The following TSHZ1 variants were observed in gnomAD, a reference collection of about 807,000 sequenced individuals.
The protein encoded by TSHZ1 is teashirt homolog 1.
In TSHZ1, 12 loss-of-function variants were observed where a neutral mutation model predicts 67.1. The ratio of observed to expected loss-of-function variants is 0.18; its 90% confidence interval spans 0.11 to 0.29. TSHZ1 has a LOEUF of 0.29. Among genes scored for constraint, TSHZ1 ranks in the 10% least tolerant of loss-of-function variants. The probability of loss-of-function intolerance (pLI) is 1.00; values close to 1 mark genes in which losing one functional copy is unlikely to be tolerated. For synonymous variants in TSHZ1, 632 were observed against 622.4 expected (o/e 1.02, Z -0.23); for missense variants, 1,305 against 1,413.9 (o/e 0.92, Z 1.23).
At chr18:75,283,215 C>T (rs1441613462) in intron 1 of TSHZ1, 7 of 152,374 alleles carry the variant, frequency 4.6e-5, no homozygotes, top group Non-Finnish European at 1.5e-5. Context: ...GAGTCACCCT[C>T]TGAATCCACA....
chr18:75,228,670 T>G (rs972395646), intron 1 of TSHZ1, among the ~76,000 whole-genome samples: 1 of 152,250 alleles, frequency 6.6e-6, no homozygotes, highest in African/African-American at 2.4e-5. Context: ...TGCTTCAGGA[T>G]GGCAGCGCTA....
At chr18:75,246,185 C>G (rs545083164) in intron 1 of TSHZ1, among the ~76,000 whole-genome samples, 1 of 152,190 alleles carries the variant, frequency 6.6e-6, no homozygotes, top group East Asian at 1.9e-4. Context: ...GCATTTCCTA[C>G]GAAAGACCAG....
At chr18:75,251,953 GA>G (rs1292459145) in intron 1 of TSHZ1, among the ~76,000 whole-genome samples, 15 of 152,148 alleles carry the variant, frequency 9.9e-5, no homozygotes, top group African/African-American at 3.4e-4. Context: ...CTTGAACAAA[GA>G]AAAAAATTTA....
At chr18:75,275,183 A>G (rs2023601388) in intron 1 of TSHZ1, among the ~76,000 whole-genome samples, 1 of 152,214 alleles carries the variant, frequency 6.6e-6, no homozygotes, top group Non-Finnish European at 1.5e-5. Flanking sequence ...TATGGGAATA[A>G]GCTACTGGCT....
intron 1 of TSHZ1, among the ~76,000 whole-genome samples, chr18:75,221,676 T>C (rs1455206778): frequency 6.6e-6 from 1 of 152,258 alleles, no homozygotes; most frequent in Non-Finnish European, 1.5e-5. Context: ...CATCCTATTA[T>C]TAATGCAGTA....
At chr18:75,250,543 G>C (rs747651328) in intron 1 of TSHZ1, among the ~76,000 whole-genome samples, 106 of 152,290 alleles carry the variant, frequency 7.0e-4, no homozygotes, top group Non-Finnish European at 1.2e-3. Context: ...GGTGCCTGCA[G>C]CGTGCTGGGC....
In TSHZ1 at chr18:75,286,528, T is replaced by A; in HGVS notation, c.1121T>A (p.Val374Glu). Residue 374 changes from valine (V) to glutamate (E), a missense_variant, in exon 2 of 2, where the codon GTG becomes GAG. Val to Glu is a moderately radical substitution (Grantham distance 121). Coordinates refer to ENST00000580243, the MANE Select transcript of TSHZ1 (RefSeq NM_001308210.2). This position sits in a 1 kb window ranked among gnomAD's most constrained non-coding sequence, Gnocchi z 5.1. Reference sequence around the variant, plus strand: ...GAGCCAGCAGGAATGGCCGCAGAGGTGGCCCTGAGTGAGTCAGCCAAGGAT... The same window carrying A: ...GAGCCAGCAGGAATGGCCGCAGAGGAGGCCCTGAGTGAGTCAGCCAAGGAT... ...SPEPAGMAAE[V>E]ALSESAKDQK... The A allele has an allele frequency of 6.2e-7, 1 of 1,614,076 alleles. No homozygotes were observed. The highest frequency in any genetic ancestry group is 8.5e-7 in the Non-Finnish European group (1 of 1,180,016).
intron 1 of TSHZ1, among the ~76,000 whole-genome samples, chr18:75,276,874 G>A (rs901923149): frequency 1.5e-4 from 23 of 152,204 alleles, no homozygotes; most frequent in African/African-American, 5.6e-4. Context: ...ACATCCATTC[G>A]TCTTTCACAG....
chr18:75,248,728 C>T (rs776802351), intron 1 of TSHZ1, among the ~76,000 whole-genome samples: 4 of 152,202 alleles, frequency 2.6e-5, no homozygotes, highest in African/African-American at 4.8e-5. Context: ...TATAGATATA[C>T]GTTTACTTGC....
chr18:75,229,966 C>T (rs2022976361), intron 1 of TSHZ1, among the ~76,000 whole-genome samples: 1 of 152,190 alleles, frequency 6.6e-6, no homozygotes, highest in South Asian at 2.1e-4. Flanking sequence ...TGGAAATGCT[C>T]ATAATGGTGG....
intron 1 of TSHZ1, among the ~76,000 whole-genome samples, chr18:75,216,500 A>G (rs1428523651): frequency 1.3e-5 from 2 of 152,208 alleles, no homozygotes; most frequent in African/African-American, 4.8e-5. Flanking sequence ...CATTCCAGAA[A>G]GTTTCTGTAG....
intron 1 of TSHZ1, among the ~76,000 whole-genome samples, chr18:75,237,091 T>G (rs999811508): frequency 1.3e-5 from 2 of 152,202 alleles, no homozygotes; most frequent in Admixed American, 1.3e-4. Context: ...CGTTAGTGCC[T>G]CAGTTTCTTC....
chr18:75,258,120 G>A (rs991141988), intron 1 of TSHZ1, among the ~76,000 whole-genome samples: 5 of 152,142 alleles, frequency 3.3e-5, no homozygotes, highest in East Asian at 1.9e-4. Flanking sequence ...AGCGTGACTC[G>A]GTGTCTGCAG....
At chr18:75,258,352 T>C (rs1161893291) in intron 1 of TSHZ1, among the ~76,000 whole-genome samples, 1 of 152,216 alleles carries the variant, frequency 6.6e-6, no homozygotes, top group African/African-American at 2.4e-5. Context: ...CCATATATAC[T>C]TGTTTCACAC....
chr18:75,260,992 C>G (rs1447752793), intron 1 of TSHZ1, among the ~76,000 whole-genome samples: 4 of 152,030 alleles, frequency 2.6e-5, no homozygotes, highest in Non-Finnish European at 4.4e-5. Flanking sequence ...CTGTGGATCT[C>G]GGCCAGGAGG....
chr18:75,239,089 C>G (rs763130859), intron 1 of TSHZ1, among the ~76,000 whole-genome samples: 2 of 152,344 alleles, frequency 1.3e-5, no homozygotes, highest in East Asian at 3.9e-4. Flanking sequence ...TGTAAACTTC[C>G]CCTGGCCAGG....
Position 75,217,681 on chromosome 18 carries a change from G to A in TSHZ1, c.40+5765G>A, listed in dbSNP as rs1193961401. The stretch of plus-strand genomic sequence containing the variant: ...AACTTTAATAATGCAAGACTTTTAT[G>A]TTTCATGCAAAATATTATGTATATG... On this transcript the variant is annotated intron_variant, in intron 1 of 1. Coordinates refer to ENST00000580243, the MANE Select transcript of TSHZ1 (RefSeq NM_001308210.2). Among the ~76,000 whole-genome samples, 3 of 152,146 alleles carry A rather than the reference G, an allele frequency of 2.0e-5. No individual in the cohort carries two copies. In the East Asian group the frequency reaches 5.8e-4, roughly 29 times the overall value.
rs2023688064 is a variant in TSHZ1, at chr18:75,281,702, G to GAGCGGGT, written c.41-3740_41-3734dup. ...TGGGGATGCGGCAGCTCAGAACGGG[G>GAGCGGGT]AGCGGGTAGCGGTCACCGAGGGTCT... On this transcript the variant is annotated intron_variant, in intron 1 of 1. Coordinates refer to ENST00000580243, the MANE Select transcript of TSHZ1 (RefSeq NM_001308210.2). The surrounding 1 kb of genome is among the most constrained non-coding windows in gnomAD (Gnocchi z 5.3). 2.6e-5 allele frequency among the ~76,000 whole-genome samples: 4 copies of GAGCGGGT among 152,160 alleles called. No homozygotes were observed. Among genetic ancestry groups the GAGCGGGT allele is most frequent in the Admixed American group, 2.0e-4 (3 of 15,282 alleles).
intron 1 of TSHZ1, among the ~76,000 whole-genome samples, chr18:75,214,007 G>T (rs2022733436): frequency 6.6e-6 from 1 of 152,150 alleles, no homozygotes; most frequent in Non-Finnish European, 1.5e-5. Flanking sequence ...AGTGTCCTGT[G>T]TTTTGAAGTG....
Sources: gnomAD v4.1 joint callset for allele counts (sites outside exome capture counted in the v4.1 genomes callset) on GRCh38, gnomAD v4.1.1 for gene constraint, Gnocchi (gnomAD v3.1) non-coding constraint, MANE v1.5 for transcripts, NCBI Gene and HGNC (gene_info 2026-07-23, HGNC 2026-07-21) for gene names.